NDUFAF2: variants seen among roughly 807,000 people sequenced by gnomAD.
NDUFAF2 encodes NADH dehydrogenase [ubiquinone] 1 alpha subcomplex assembly factor 2.
In NDUFAF2, 13 loss-of-function variants were observed where a neutral mutation model predicts 22.8. The ratio of observed to expected loss-of-function variants is 0.57; its 90% CI spans 0.37 to 0.91. NDUFAF2 has a LOEUF of 0.91. Among genes scored for constraint, NDUFAF2 ranks in the 40% least tolerant of loss-of-function variants. The pLI is 0.01. For missense variants in NDUFAF2, 162 were observed against 195.2 expected, an observed-to-expected ratio of 0.83 and a Z score of 1.01; for synonymous variants, 53 against 64.2, an observed-to-expected ratio of 0.83 and a Z score of 0.84.
Position 60,945,217 on chromosome 5 carries a change from G to A in NDUFAF2, c.-39G>A, listed in dbSNP as rs1160049142. 1.2e-6 allele frequency: 2 copies of A among 1,607,494 alleles called. No homozygotes were observed. Among genetic ancestry groups the A allele is most frequent in the Non-Finnish European group, 1.7e-6 (2 of 1,177,848 alleles). ...CGGCTGGAGCATTACCCCTACTGCG[G>A]GTCCCGCTGCTGGCAGCGCTGGAAA... On this transcript the variant is annotated 5_prime_UTR_variant, in exon 1 of 4. Coordinates refer to ENST00000296597, the MANE Select transcript of NDUFAF2 (RefSeq NM_174889.5).
intron 1 of NDUFAF2, among the ~76,000 whole-genome samples, chr5:60,946,196 T>C (rs1250626349): frequency 6.6e-6 from 1 of 151,926 alleles, no homozygotes; most frequent in Non-Finnish European, 1.5e-5. Context: ...ATGCAGAAAA[T>C]GTCAGGTTTT....
intron 1 of NDUFAF2, among the ~76,000 whole-genome samples, chr5:61,007,832 G>T (rs1333850032): frequency 1.3e-5 from 2 of 152,128 alleles, no homozygotes; most frequent in Non-Finnish European, 1.5e-5. Flanking sequence ...AAGTCATGCT[G>T]CTATAAAGAC....
At chr5:61,006,361 G>A (rs1456741311) in intron 1 of NDUFAF2, among the ~76,000 whole-genome samples, 6 of 152,182 alleles carry the variant, frequency 3.9e-5, no homozygotes, top group Admixed American at 1.3e-4. Flanking sequence ...AGTATAGTTT[G>A]AAGTCAGGTA....
At chr5:60,988,803 A>G (rs1274435606) in intron 1 of NDUFAF2, among the ~76,000 whole-genome samples, 1 of 152,122 alleles carries the variant, frequency 6.6e-6, no homozygotes, top group Admixed American at 6.6e-5. Context: ...CTGTAAATGC[A>G]AAATCTAAAA....
At position 61,117,171 on chromosome 5, in the gene NDUFAF2, C is replaced by G. The variant is rs187322072; in HGVS notation, c.258+18139C>G. The stretch of plus-strand genomic sequence containing the variant: ...CTAACAGTTTTAAAATATTAGTTAG[C>G]TATTATGGAGTGTTTAAGTGCAGAG... On this transcript the variant is annotated intron_variant, in intron 3 of 3. Coordinates refer to ENST00000296597, the MANE Select transcript of NDUFAF2 (RefSeq NM_174889.5). Among the ~76,000 whole-genome samples, 203 of 152,200 alleles carry G rather than the reference C, an allele frequency of 1.3e-3. 2 individuals are homozygous for G. Among genetic ancestry groups the G allele is most frequent in the Admixed American group, 2.4e-3 (37 of 15,278 alleles).
At chr5:61,029,622 A>T (rs1751698508) in intron 1 of NDUFAF2, among the ~76,000 whole-genome samples, 1 of 152,016 alleles carries the variant, frequency 6.6e-6, no homozygotes, top group South Asian at 2.1e-4. Context: ...ACTATTGTTG[A>T]CATTTAGAGC....
chr5:61,053,994 G>C (rs1440188357), intron 1 of NDUFAF2, among the ~76,000 whole-genome samples: 1 of 152,020 alleles, frequency 6.6e-6, no homozygotes, highest in Non-Finnish European at 1.5e-5. Context: ...CTTGAGGCCA[G>C]GATCAAGACC....
intron 1 of NDUFAF2, among the ~76,000 whole-genome samples, chr5:60,988,746 G>T (rs988326596): frequency 2.6e-5 from 4 of 152,100 alleles, no homozygotes; most frequent in Non-Finnish European, 4.4e-5. Context: ...ACTGAAACTG[G>T]ACCCCTTTCT....
At chr5:61,008,181 T>G (rs1365063785) in intron 1 of NDUFAF2, among the ~76,000 whole-genome samples, 5 of 148,684 alleles carry the variant, frequency 3.4e-5, no homozygotes, top group African/African-American at 9.8e-5. Context: ...AGGGATAGCT[T>G]TAGGAGATAT....
intron 1 of NDUFAF2, among the ~76,000 whole-genome samples, chr5:60,948,271 G>C (rs984413415): frequency 6.6e-6 from 1 of 152,162 alleles, no homozygotes; most frequent in Non-Finnish European, 1.5e-5. Context: ...CCAGGCTGGA[G>C]TGCAGTGGCG....
intron 1 of NDUFAF2, among the ~76,000 whole-genome samples, chr5:60,984,985 G>T (rs188110878): frequency 2.0e-5 from 3 of 152,166 alleles, no homozygotes; most frequent in African/African-American, 7.2e-5. Flanking sequence ...GCTCCTCCTT[G>T]TACCTCTGGT....
In NDUFAF2 at chr5:60,996,612, A is replaced by T. The variant is rs1249143625; in HGVS notation, c.127+51230A>T. ...AGTTCAACACCAGGATTCATCCAAG[A>T]GTTGCAATCCTTATGGCCTAGACTG... On this transcript the variant is annotated intron_variant, in intron 1 of 3. Transcript: ENST00000296597. Among the ~76,000 whole-genome samples the T allele has an allele frequency of 2.0e-5, 3 of 152,154 alleles. No individual in the cohort carries two copies. The South Asian group carries it at 6.2e-4, about 32-fold the overall frequency.
chr5:61,030,300 G>T (rs1367482671), intron 1 of NDUFAF2, among the ~76,000 whole-genome samples: 2 of 152,098 alleles, frequency 1.3e-5, no homozygotes, highest in African/African-American at 4.8e-5. Context: ...GATTGTGTAG[G>T]CAGAATGGGC....
chr5:61,040,286 A>ACGCGCGCGCGCGCGCGCGCGCG (rs1323303366), intron 1 of NDUFAF2, among the ~76,000 whole-genome samples: 1 of 93,074 alleles, frequency 1.1e-5, no homozygotes, highest in African/African-American at 4.3e-5. Flanking sequence ...ACACACACAC[A>ACGCGCGCGCGCGCGCGCGCGCG]CGCGCGCGCG....
At chr5:61,098,880 C>T in intron 2 of NDUFAF2, 112 bp from the exon 3 acceptor site, 2 of 669,396 alleles carry the variant, frequency 3.0e-6, no homozygotes, top group South Asian at 1.9e-5. Flanking sequence ...CCTGCTGTAT[C>T]TCCAGTACCT....
chr5:61,077,395 G>A (rs1752382919), intron 2 of NDUFAF2, among the ~76,000 whole-genome samples: 1 of 152,172 alleles, frequency 6.6e-6, no homozygotes, highest in African/African-American at 2.4e-5. Context: ...AATGTCAAAT[G>A]AGGTCTGAAA....
intron 3 of NDUFAF2, among the ~76,000 whole-genome samples, chr5:61,105,850 T>G (rs2111776503): frequency 6.6e-6 from 1 of 151,440 alleles, no homozygotes; most frequent in East Asian, 1.9e-4. Flanking sequence ...CAATAAAGTT[T>G]TGGAGGCAGG....
chr5:61,110,736 T>C (rs1042478660), intron 3 of NDUFAF2, among the ~76,000 whole-genome samples: 1 of 152,134 alleles, frequency 6.6e-6, no homozygotes, highest in African/African-American at 2.4e-5. Context: ...TAAAAGTTTG[T>C]TGATTATGTG....
intron 1 of NDUFAF2, among the ~76,000 whole-genome samples, chr5:60,961,164 T>A (rs1287323553): frequency 1.3e-5 from 2 of 152,108 alleles, no homozygotes; most frequent in Non-Finnish European, 2.9e-5. Flanking sequence ...TCAGCAAAAT[T>A]TACTGTATAA....
Sources: allele counts gnomAD v4.1 joint callset (sites outside exome capture counted in the v4.1 genomes callset), GRCh38; gene constraint gnomAD v4.1.1; transcripts MANE v1.5; gene names NCBI Gene and HGNC (gene_info 2026-07-23, HGNC 2026-07-21).